Variants in CDC40 observed in about 807,000 individuals in gnomAD.
CDC40 encodes the protein pre-mRNA-processing factor 17.
CDC40 carries 27 observed loss-of-function variants against 80.6 expected under a neutral mutation model. The ratio of observed to expected loss-of-function variants is 0.33; its 90% CI spans 0.25 to 0.46. The LOEUF is 0.46. Ranked by LOEUF, CDC40 falls within the 20% of genes least tolerant of loss-of-function variation. The probability of loss-of-function intolerance (pLI) is 1.00; values close to 1 mark genes in which losing one functional copy is unlikely to be tolerated. For synonymous variants in CDC40, 221 were observed against 232.6 expected (o/e 0.95, Z 0.45); for missense variants, 486 against 694.1 (o/e 0.70, Z 3.37).
chr6:110,223,961 T>C (rs1777815251), intron 12 of CDC40, among the ~76,000 whole-genome samples: 1 of 152,004 alleles, frequency 6.6e-6, no homozygotes, highest in African/African-American at 2.4e-5. Context: ...GCCTCCCGAG[T>C]AGCTGGGACT....
intron 12 of CDC40, among the ~76,000 whole-genome samples, chr6:110,222,860 A>G (rs922641857): frequency 1.3e-5 from 2 of 152,202 alleles, no homozygotes; most frequent in Non-Finnish European, 2.9e-5. Context: ...GTAATTATCA[A>G]TGATGTTACA....
chr6:110,194,322 A>G (rs1416788629), intron 2 of CDC40, among the ~76,000 whole-genome samples: 1 of 152,222 alleles, frequency 6.6e-6, no homozygotes, highest in East Asian at 1.9e-4. Context: ...GCTATATCTT[A>G]TGGTATCTTG....
intron 2 of CDC40, among the ~76,000 whole-genome samples, chr6:110,199,867 G>A (rs1000822891): frequency 1.3e-5 from 2 of 152,076 alleles, no homozygotes; most frequent in Non-Finnish European, 1.5e-5. Context: ...CTCTGTGGAT[G>A]ATAGCTTCTG....
At chr6:110,182,673 T>C (rs1777214620) in intron 1 of CDC40, among the ~76,000 whole-genome samples, 1 of 152,178 alleles carries the variant, frequency 6.6e-6, no homozygotes, top group Non-Finnish European at 1.5e-5. Flanking sequence ...GTTATTCTTT[T>C]CTTTCTCTTT....
At chr6:110,214,335 G>A (rs1275009560) in intron 8 of CDC40, among the ~76,000 whole-genome samples, 1 of 152,120 alleles carries the variant, frequency 6.6e-6, no homozygotes, top group Non-Finnish European at 1.5e-5. Flanking sequence ...TAAAGGCACT[G>A]TCCCTCCCCT....
At chr6:110,188,151 C>T (rs188924174) in intron 1 of CDC40, among the ~76,000 whole-genome samples, 1 of 152,246 alleles carries the variant, frequency 6.6e-6, no homozygotes, top group African/African-American at 2.4e-5. Context: ...TGTCATGATA[C>T]TCTTCAAAAT....
chr6:110,188,474 T>C (rs1415947366), intron 1 of CDC40, among the ~76,000 whole-genome samples: 1 of 152,226 alleles, frequency 6.6e-6, no homozygotes, highest in Non-Finnish European at 1.5e-5. Context: ...TAGGGTGATA[T>C]AGATAATATT....
At chr6:110,225,480 T>G (rs747940863) in intron 12 of CDC40, among the ~76,000 whole-genome samples, 3 of 151,644 alleles carry the variant, frequency 2.0e-5, no homozygotes, top group African/African-American at 2.4e-5. Flanking sequence ...TTTTTTCTCC[T>G]TCACCAAACA....
intron 9 of CDC40, 100 bp downstream of exon 9, chr6:110,215,431 T>G: frequency 1.1e-6 from 1 of 912,022 alleles, no homozygotes; most frequent in Non-Finnish European, 1.8e-6. Context: ...AAGTAAACTC[T>G]TCATAGATTT....
At chr6:110,228,212 A>G (rs1777890077) in intron 13 of CDC40, among the ~76,000 whole-genome samples, 1 of 152,220 alleles carries the variant, frequency 6.6e-6, no homozygotes, top group Admixed American at 6.5e-5. Flanking sequence ...ATTTAGCACT[A>G]TAATCTTATG....
At chr6:110,189,227 G>C (rs1250250723) in intron 1 of CDC40, among the ~76,000 whole-genome samples, 1 of 152,180 alleles carries the variant, frequency 6.6e-6, no homozygotes, top group Non-Finnish European at 1.5e-5. Context: ...TAGCATGTTA[G>C]TGTTGTTAAA....
rs1777902641 is a variant in CDC40 at position 110,229,102 on chromosome 6, A to G, written c.1562+126A>G. The G allele has an allele frequency of 2.6e-5, 22 of 852,264 alleles. 1 individual carries two copies. In the South Asian group the frequency reaches 3.7e-4, roughly 14 times the overall value. The allele number at this position is 852,264 out of a possible 1,614,324, so 52.8% of individuals were successfully genotyped here. On this transcript the variant is annotated intron_variant, in intron 14 of 14. Coordinates refer to ENST00000307731, the MANE Select transcript of CDC40 (RefSeq NM_015891.3). Reference sequence around the variant, plus strand: ...TTTATGAGAACTCGATGATCTGTCAAAATTGTCAAAATGCTGGATATAAAG... The same window carrying G: ...TTTATGAGAACTCGATGATCTGTCAGAATTGTCAAAATGCTGGATATAAAG...
intron 5 of CDC40, among the ~76,000 whole-genome samples, chr6:110,209,833 A>G (rs1005927991): frequency 6.6e-6 from 1 of 152,322 alleles, no homozygotes; most frequent in Admixed American, 6.5e-5. Context: ...CCATGTTTAT[A>G]GTAATAGAAA....
intron 9 of CDC40, among the ~76,000 whole-genome samples, chr6:110,216,893 C>G (rs1020018702): frequency 2.6e-5 from 4 of 152,194 alleles, no homozygotes; most frequent in Non-Finnish European, 5.9e-5. Context: ...AAAATATCAT[C>G]TTAAAGCAAA....
intron 3 of CDC40, 48 bp downstream of exon 3, chr6:110,201,735 T>G (rs1442111790): frequency 2.0e-6 from 3 of 1,532,612 alleles, no homozygotes; most frequent in Non-Finnish European, 2.7e-6. Flanking sequence ...TTATTAGAAG[T>G]GTGATCTGTG....
At chr6:110,188,499 T>C (rs1368450697) in intron 1 of CDC40, among the ~76,000 whole-genome samples, 2 of 152,218 alleles carry the variant, frequency 1.3e-5, no homozygotes, top group African/African-American at 4.8e-5. Flanking sequence ...ATCTTTTCAA[T>C]GGCCTAGCAT....
Position 110,215,313 on chromosome 6 carries a change from T to C in CDC40, c.970T>C (p.Cys324Arg). ...ATGGGAGGTTTATGGAGAACGGCGC[T>C]GTCTGAGAACATTTATTGGTAATGC... ...KLWEVYGERR[C>R]LRTFIGHSKA... is the part of the protein sequence containing the mutation. Residue 324 changes from cysteine (C) to arginine (R), a missense_variant, in exon 9 of 15, where the codon TGT (cysteine) becomes CGT (arginine). Coordinates refer to ENST00000307731, the MANE Select transcript of CDC40 (RefSeq NM_015891.3). 1 of 1,613,580 alleles carries C rather than the reference T, an allele frequency of 6.2e-7. No homozygotes were observed. Among genetic ancestry groups the C allele is most frequent in the Non-Finnish European group, 8.5e-7 (1 of 1,179,490 alleles).
At chr6:110,193,128 A>T (rs1584063678) in intron 1 of CDC40, 54 bp from the exon 2 acceptor site, 1 of 1,104,294 alleles carries the variant, frequency 9.1e-7, no homozygotes, top group Non-Finnish European at 1.4e-6. Context: ...TGTGGCTTCT[A>T]AAATAAAATA....
At chr6:110,226,134 T>A (rs1224829595) in intron 12 of CDC40, 33 bp from the exon 13 acceptor site, 2 of 1,189,222 alleles carry the variant, frequency 1.7e-6, no homozygotes, top group African/African-American at 3.0e-5. Flanking sequence ...TTTTAAAAGT[T>A]GCTTATTCTG....
Sources: gnomAD v4.1 joint callset for allele counts (sites outside exome capture counted in the v4.1 genomes callset) on GRCh38, gnomAD v4.1.1 for gene constraint, MANE v1.5 for transcripts, NCBI Gene and HGNC (gene_info 2026-07-23, HGNC 2026-07-21) for gene names.